GRID1: variants seen among roughly 807,000 people sequenced by gnomAD.
GRID1 encodes glutamate receptor ionotropic, delta-1.
In GRID1, 28 loss-of-function variants were observed where a neutral mutation model predicts 98.0. The observed-to-expected ratio is 0.29, with a 90% CI of 0.21 to 0.39. The LOEUF (loss-of-function observed/expected upper bound fraction) is 0.39. Ranked by LOEUF, GRID1 falls within the 10% of genes least tolerant of loss-of-function variation. The pLI is 1.00. For missense variants in GRID1, 1,111 were observed against 1,340.5 expected (o/e 0.83, Z 2.67); for synonymous variants, 553 against 538.5 (o/e 1.03, Z -0.37).
chr10:85,622,982 C>T (rs568351159), intron 13 of GRID1, among the ~76,000 whole-genome samples: 1 of 152,270 alleles, frequency 6.6e-6, no homozygotes, highest in Admixed American at 6.5e-5. Context: ...TGGGGAAGAA[C>T]ACTTTATGGA....
chr10:86,103,602 T>C lies in GRID1; in HGVS notation c.726+35217A>G, dbSNP rs142906809. On this transcript the variant is annotated intron_variant, in intron 4 of 15. Coordinates refer to ENST00000327946, the MANE Select transcript of GRID1 (RefSeq NM_017551.3). ...GGCCCCGGAGGAAGAGGACTCCCGATGCTGCTTATGTAATGCCTTCTTAGG... is the reference window on the plus strand; with the variant it reads ...GGCCCCGGAGGAAGAGGACTCCCGACGCTGCTTATGTAATGCCTTCTTAGG... Among the ~76,000 whole-genome samples, 581 of 152,364 alleles carry C rather than the reference T, an allele frequency of 3.8e-3. 5 individuals are homozygous for C. The highest frequency in any genetic ancestry group is 0.013 in the African/African-American group (531 of 41,594).
chr10:85,986,354 T>G (rs1842608525), intron 4 of GRID1, among the ~76,000 whole-genome samples: 2 of 152,366 alleles, frequency 1.3e-5, no homozygotes, highest in East Asian at 3.9e-4. Context: ...GAGCCCTTGA[T>G]GGGCACTGGA....
intron 14 of GRID1, among the ~76,000 whole-genome samples, chr10:85,619,458 C>G (rs1842831844): frequency 1.3e-5 from 2 of 152,222 alleles, no homozygotes; most frequent in South Asian, 4.1e-4. Flanking sequence ...TCAGATCCTG[C>G]TAATTATTCA....
At chr10:85,915,591 CAT>C (rs1281786856) in intron 5 of GRID1, among the ~76,000 whole-genome samples, 1 of 151,954 alleles carries the variant, frequency 6.6e-6, no homozygotes, top group African/African-American at 2.4e-5. Context: ...CATCCACACA[CAT>C]ATACACACAC....
At chr10:86,210,970 G>A (rs1846099344) in intron 2 of GRID1, among the ~76,000 whole-genome samples, 1 of 152,206 alleles carries the variant, frequency 6.6e-6, no homozygotes, top group Non-Finnish European at 1.5e-5. Context: ...CGGAGTCCGG[G>A]GCCTGCCCTG....
intron 13 of GRID1, among the ~76,000 whole-genome samples, chr10:85,634,214 T>G (rs1590168211): frequency 3.2e-5 from 4 of 125,282 alleles, no homozygotes; most frequent in East Asian, 2.4e-4. Flanking sequence ...TTTATAGGGG[T>G]AGTGGGGGAA....
rs145555576 is a variant in GRID1, at chr10:85,958,088, A to G, written c.727-41849T>C. Among the ~76,000 whole-genome samples the G allele has an allele frequency of 3.6e-3, 551 of 152,354 alleles. 4 individuals are homozygous for G. Among genetic ancestry groups the G allele is most frequent in the African/African-American group, 0.012 (519 of 41,588 alleles). On this transcript the variant is annotated intron_variant, in intron 4 of 15. Transcript: ENST00000327946. ...AGGCAAACCTCACAGGCCCAGGGCC[A>G]ATAACCTCTAGAAACCCCTCTGACC...
At chr10:85,876,080 T>A (rs1843326989) in intron 5 of GRID1, among the ~76,000 whole-genome samples, 2 of 152,382 alleles carry the variant, frequency 1.3e-5, no homozygotes, top group South Asian at 2.1e-4. Flanking sequence ...TGGAAAGTAA[T>A]ATGGCACTGA....
chr10:86,165,182 G>A (rs1228731516), intron 3 of GRID1, among the ~76,000 whole-genome samples: 3 of 152,180 alleles, frequency 2.0e-5, no homozygotes, highest in East Asian at 1.9e-4. Context: ...AGGGATACTC[G>A]CAGTGCACAT....
At chr10:86,049,110 G>T (rs1048246722) in intron 4 of GRID1, among the ~76,000 whole-genome samples, 2 of 152,214 alleles carry the variant, frequency 1.3e-5, no homozygotes, top group African/African-American at 4.8e-5. Context: ...ACTTGGTACT[G>T]AAGTCATTAG....
In GRID1 at chr10:85,610,906, G is replaced by A. The variant is rs1456115209; in HGVS notation, c.2601+2501C>T. Among the ~76,000 whole-genome samples, 4 of 152,190 alleles carry A rather than the reference G, an allele frequency of 2.6e-5. No homozygotes were observed. The South Asian group carries it at 6.2e-4, about 24-fold the overall frequency. On this transcript the variant is annotated intron_variant, in intron 15 of 15. Transcript: ENST00000327946. ...AGGGGTTGGAGGACAGGCAGCTGCTGTGCTTTTCCAACCTGCCTCTCTCCA... is the reference window on the plus strand; with the variant it reads ...AGGGGTTGGAGGACAGGCAGCTGCTATGCTTTTCCAACCTGCCTCTCTCCA...
chr10:86,239,561 C>T (rs762060745), intron 2 of GRID1, among the ~76,000 whole-genome samples: 5 of 152,158 alleles, frequency 3.3e-5, no homozygotes, highest in Non-Finnish European at 7.3e-5. Flanking sequence ...AAATTATAAT[C>T]CCCGTGTTGG....
chr10:86,108,170 C>G (rs1310555721), intron 4 of GRID1, among the ~76,000 whole-genome samples: 1 of 152,136 alleles, frequency 6.6e-6, no homozygotes, highest in Non-Finnish European at 1.5e-5. Flanking sequence ...ACAGCCTGCC[C>G]GTCTGTATGC....
rs757512595 is a variant in GRID1 at position 86,138,804 on chromosome 10, G to T, written c.726+15C>A. On this transcript the variant is annotated intron_variant, in intron 4 of 15. Transcript: ENST00000327946. ...GGGCACCAGGCCCCTGAGGCCTCAG[G>T]CCCCCATGACCTACCTCGTTGATGA... The T allele has an allele frequency of 1.2e-6, 2 of 1,609,218 alleles. No individual in the cohort carries two copies. Among genetic ancestry groups the T allele is most frequent in the South Asian group, 2.2e-5 (2 of 90,964 alleles).
intron 4 of GRID1, among the ~76,000 whole-genome samples, chr10:86,019,872 C>A (rs1310498299): frequency 6.6e-6 from 1 of 152,262 alleles, no homozygotes; most frequent in Non-Finnish European, 1.5e-5. Flanking sequence ...CTGATGGCAG[C>A]AGCCAGCTCA....
At chr10:85,914,571 C>T (rs902539151) in intron 5 of GRID1, among the ~76,000 whole-genome samples, 2 of 152,126 alleles carry the variant, frequency 1.3e-5, no homozygotes, top group African/African-American at 4.8e-5. Context: ...TACTGCACGT[C>T]CCCAGCTGCC....
intron 3 of GRID1, among the ~76,000 whole-genome samples, chr10:86,144,328 A>C (rs1344845060): frequency 6.6e-6 from 1 of 152,140 alleles, no homozygotes; most frequent in Non-Finnish European, 1.5e-5. Flanking sequence ...CAGCACACAG[A>C]AAGTTCCAGA....
chr10:85,944,544 G>A (rs1341515733), intron 4 of GRID1, among the ~76,000 whole-genome samples: 1 of 152,144 alleles, frequency 6.6e-6, no homozygotes, highest in Non-Finnish European at 1.5e-5. Flanking sequence ...GTTCGACTTT[G>A]AGAAATTTAT....
intron 4 of GRID1, among the ~76,000 whole-genome samples, chr10:86,039,432 C>A (rs1186434011): frequency 6.6e-6 from 1 of 152,192 alleles, no homozygotes; most frequent in East Asian, 1.9e-4. Context: ...CCACTTGCTC[C>A]CTTTCCCCAT....
Sources: gnomAD v4.1 joint callset for allele counts (sites outside exome capture counted in the v4.1 genomes callset) on GRCh38, gnomAD v4.1.1 for gene constraint, MANE v1.5 for transcripts, NCBI Gene and HGNC (gene_info 2026-07-23, HGNC 2026-07-21) for gene names.